Variants in SEMA6A observed in about 807,000 individuals in gnomAD.
SEMA6A encodes semaphorin-6A.
SEMA6A carries 25 observed loss-of-function variants against 96.8 expected under a neutral mutation model. The ratio of observed to expected loss-of-function variants is 0.26; its 90% CI spans 0.19 to 0.36. The LOEUF (loss-of-function observed/expected upper bound fraction) is 0.36, where lower values mean the gene tolerates loss of function less well. SEMA6A is among the 10% of genes least tolerant of loss of function. The pLI is 1.00. For synonymous variants in SEMA6A, 612 were observed against 518.0 expected (o/e 1.18, Z -2.46); for missense variants, 1,363 against 1,323.1 (o/e 1.03, Z -0.47).
intron 12 of SEMA6A, 141 bp from the exon 13 acceptor site, chr5:116,478,859 G>T (rs1008867778): frequency 2.0e-5 from 17 of 836,526 alleles, no homozygotes; most frequent in Middle Eastern, 4.9e-4. Context: ...GTTCTCAAGT[G>T]GTTCTGGCCC....
chr5:116,449,745 G>A, intron 18 of SEMA6A: 1 of 168,024 alleles, frequency 6.0e-6, no homozygotes, highest in Non-Finnish European at 1.3e-5. Flanking sequence ...TAAAGATTCT[G>A]TGATCCAACA....
chr5:116,535,132 G>A (rs1428374975), intron 1 of SEMA6A, among the ~76,000 whole-genome samples: 2 of 152,226 alleles, frequency 1.3e-5, no homozygotes, highest in African/African-American at 4.8e-5. Context: ...AGGGCAGCCT[G>A]GCAATGGACT....
intron 1 of SEMA6A, among the ~76,000 whole-genome samples, chr5:116,525,326 AATG>A (rs1759174024): frequency 6.6e-6 from 1 of 152,100 alleles, no homozygotes; most frequent in Non-Finnish European, 1.5e-5. Context: ...AAAGTGGGAT[AATG>A]ATGTTTTCCC....
chr5:116,571,514 C>T (rs1257079762), intron 1 of SEMA6A, among the ~76,000 whole-genome samples: 1 of 152,138 alleles, frequency 6.6e-6, no homozygotes, highest in Non-Finnish European at 1.5e-5. Context: ...ATTTGATGTT[C>T]GTTCTTTTCT....
At chr5:116,571,732 A>G (rs1761223270) in intron 1 of SEMA6A, among the ~76,000 whole-genome samples, 2 of 152,368 alleles carry the variant, frequency 1.3e-5, no homozygotes, top group African/African-American at 4.8e-5. Flanking sequence ...ATTTAAGGTT[A>G]GGTTAATAAT....
intron 1 of SEMA6A, among the ~76,000 whole-genome samples, chr5:116,514,736 G>A (rs892008598): frequency 2.6e-5 from 4 of 152,086 alleles, no homozygotes; most frequent in African/African-American, 9.7e-5. Context: ...TTGGCTTGCT[G>A]CCTGATGTTC....
At chr5:116,475,460 G>A in intron 16 of SEMA6A, 85 bp downstream of exon 16, 2 of 896,560 alleles carry the variant, frequency 2.2e-6, no homozygotes, top group South Asian at 1.6e-5. Context: ...GCTGCACTCA[G>A]TTCCACATGT....
At chr5:116,572,204 G>T (rs1212288295) in intron 1 of SEMA6A, among the ~76,000 whole-genome samples, 1 of 152,204 alleles carries the variant, frequency 6.6e-6, no homozygotes, top group Non-Finnish European at 1.5e-5. Context: ...GGTAAAGAAA[G>T]TTGTGCGTAC....
In SEMA6A at chr5:116,486,730, A is replaced by C; in HGVS notation, c.962+19T>G. On this transcript the variant is annotated intron_variant, in intron 10 of 18. Coordinates refer to ENST00000343348, the MANE Select transcript of SEMA6A (RefSeq NM_020796.5). Reference sequence around the variant, plus strand: ...GCCAGGAAGAATTGATGAGGTCAACACAGCTAGGGCATGATTACCTGTTAT... The same window carrying C: ...GCCAGGAAGAATTGATGAGGTCAACCCAGCTAGGGCATGATTACCTGTTAT... 3 of 1,604,150 alleles carry C rather than the reference A, an allele frequency of 1.9e-6. No individual in the cohort carries two copies. Among genetic ancestry groups the C allele is most frequent in the Non-Finnish European group, 2.6e-6 (3 of 1,171,176 alleles).
rs72810796 is a variant in SEMA6A at position 116,470,064 on chromosome 5, C to T, written c.1730-2317G>A. On this transcript the variant is annotated intron_variant, in intron 17 of 18. Coordinates refer to ENST00000343348, the MANE Select transcript of SEMA6A (RefSeq NM_020796.5). ...AACTTATGCTTGAGGATAGGAAACA[C>T]GTGCCAGTGGTGAATTAAACAGTCA... Among the ~76,000 whole-genome samples, 430 of 152,250 alleles carry T rather than the reference C, an allele frequency of 2.8e-3. 4 individuals carry two copies. The highest frequency in any genetic ancestry group is 3.9e-3 in the Non-Finnish European group (262 of 68,006).
intron 1 of SEMA6A, among the ~76,000 whole-genome samples, chr5:116,543,865 TA>T (rs1455219742): frequency 1.3e-5 from 2 of 152,246 alleles, no homozygotes; most frequent in Non-Finnish European, 1.5e-5. Context: ...TAGCACGTTT[TA>T]CTTTTACAGT....
intron 15 of SEMA6A, 35 bp downstream of exon 15, chr5:116,477,811 C>G: frequency 6.2e-7 from 1 of 1,605,610 alleles, no homozygotes; most frequent in Non-Finnish European, 8.5e-7. Context: ...TGGCTGGAAG[C>G]CACTTCACCC....
chr5:116,496,085 C>T (rs1433480425), intron 5 of SEMA6A, 166 bp downstream of exon 5: 1 of 592,314 alleles, frequency 1.7e-6, no homozygotes, highest in East Asian at 3.0e-5. Flanking sequence ...ACATTAAAAG[C>T]AAACTATTTT....
intron 1 of SEMA6A, among the ~76,000 whole-genome samples, chr5:116,506,784 T>C (rs1285953740): frequency 4.6e-5 from 7 of 152,114 alleles, no homozygotes; most frequent in Non-Finnish European, 1.0e-4. Context: ...TTGCAGCATA[T>C]AATGAAAGAA....
At chr5:116,521,899 T>C (rs1480060677) in intron 1 of SEMA6A, among the ~76,000 whole-genome samples, 1 of 152,216 alleles carries the variant, frequency 6.6e-6, no homozygotes, top group Non-Finnish European at 1.5e-5. Flanking sequence ...ATGAAACATA[T>C]ATGTGTAAAA....
intron 1 of SEMA6A, among the ~76,000 whole-genome samples, chr5:116,512,006 G>C (rs542946698): frequency 2.0e-5 from 3 of 152,326 alleles, no homozygotes; most frequent in African/African-American, 7.2e-5. Flanking sequence ...ATATCCAGCT[G>C]GAGACCTGCT....
chr5:116,573,937 G>A (rs1335242481), intron 1 of SEMA6A, among the ~76,000 whole-genome samples: 1 of 150,674 alleles, frequency 6.6e-6, no homozygotes, highest in Non-Finnish European at 1.5e-5. Flanking sequence ...GGGCGTGTGC[G>A]CAACGCGGGT....
intron 1 of SEMA6A, among the ~76,000 whole-genome samples, chr5:116,555,339 G>A (rs1035109985): frequency 3.9e-4 from 59 of 152,238 alleles, no homozygotes; most frequent in Admixed American, 3.7e-3. Flanking sequence ...GTGAAGGCAG[G>A]CTCAGAATAG....
chr5:116,459,600 T>C (rs762153927), intron 18 of SEMA6A, among the ~76,000 whole-genome samples: 2 of 152,196 alleles, frequency 1.3e-5, no homozygotes, highest in Non-Finnish European at 2.9e-5. Context: ...ATCTTGGTCA[T>C]GGACTTTATT....
Sources: allele counts gnomAD v4.1 joint callset (sites outside exome capture counted in the v4.1 genomes callset), GRCh38; gene constraint gnomAD v4.1.1; transcripts MANE v1.5; gene names NCBI Gene and HGNC (gene_info 2026-07-23, HGNC 2026-07-21).